CEP250: variants seen among roughly 807,000 people sequenced by gnomAD.
The protein encoded by CEP250 is centrosome-associated protein CEP250.
In CEP250, 242 loss-of-function variants were observed where a neutral mutation model predicts 315.7. The observed-to-expected ratio is 0.77, with a 90% CI of 0.69 to 0.85. CEP250 has a LOEUF of 0.85. Among genes scored for constraint, CEP250 ranks in the 40% least tolerant of loss-of-function variants. The probability of loss-of-function intolerance (pLI) is 0.00; values close to 1 mark genes in which losing one functional copy is unlikely to be tolerated. For synonymous variants in CEP250, 1,088 were observed against 1,175.0 expected (o/e 0.93, Z 1.51); for missense variants, 2,515 against 2,886.4 (o/e 0.87, Z 2.95).
rs1391330529 is a variant in CEP250, at chr20:35,462,425, C to G, written c.58C>G (p.Leu20Val). ...GAAGCCCCAGTCACTGCAGCTGGTA[C>G]TGGAAGAGCAGGTGCTGGCACTACA... ...NMKPQSLQLVLEEQVLALQQQ... is the reference protein window; with the variant it reads ...NMKPQSLQLVVEEQVLALQQQ... Residue 20 changes from leucine (L) to valine (V), a missense_variant, in exon 4 of 35, where the codon CTG becomes GTG. By Grantham distance (32) the Leu-to-Val change is conservative. Transcript: ENST00000397527. 1 of 1,602,390 alleles carries G rather than the reference C, an allele frequency of 6.2e-7. No individual in the cohort carries two copies. Among genetic ancestry groups the G allele is most frequent in the Admixed American group, 1.7e-5 (1 of 58,248 alleles).
intron 8 of CEP250, 107 bp downstream of exon 8, chr20:35,467,179 G>GGGGGGGGGGGGGGGGGGGGGGGGCCCCC: frequency 1.9e-6 from 1 of 534,860 alleles, no homozygotes; most frequent in East Asian, 4.6e-5. Flanking sequence ...GGTGGGTGGG[G>GGGGGGGGGGGGGGGGGGGGGGGGCCCCC]GAGTTGGTAG....
intron 22 of CEP250, among the ~76,000 whole-genome samples, chr20:35,492,722 TG>T (rs2063730830): frequency 6.6e-6 from 1 of 151,990 alleles, no homozygotes; most frequent in African/African-American, 2.4e-5. Flanking sequence ...AACTGTTGGG[TG>T]GTATGTATGT....
intron 20 of CEP250, among the ~76,000 whole-genome samples, chr20:35,481,854 C>T (rs1020114028): frequency 7.2e-5 from 11 of 152,106 alleles, no homozygotes; most frequent in Non-Finnish European, 1.2e-4. Flanking sequence ...AGGCATATGC[C>T]ATCACACCCA....
At chr20:35,468,724 G>A (rs137969673) in intron 9 of CEP250, among the ~76,000 whole-genome samples, 2 of 152,306 alleles carry the variant, frequency 1.3e-5, no homozygotes, top group East Asian at 3.9e-4. Context: ...TGCCCAGGCT[G>A]GAGTGCAGTA....
At chr20:35,480,251 G>A in intron 20 of CEP250, 106 bp downstream of exon 20, 2 of 1,225,198 alleles carry the variant, frequency 1.6e-6, no homozygotes, top group Non-Finnish European at 2.2e-6. Flanking sequence ...TTGTAACCAA[G>A]CTGTAAAATC....
At chr20:35,471,485 A>G (rs1175983204) in intron 10 of CEP250, among the ~76,000 whole-genome samples, 1 of 152,238 alleles carries the variant, frequency 6.6e-6, no homozygotes, top group Non-Finnish European at 1.5e-5. Flanking sequence ...GCCAAATAAA[A>G]CATAGTTGCA....
In CEP250 at chr20:35,504,640, G is replaced by A. The variant is rs754888681; in HGVS notation, c.6271G>A (p.Gly2091Ser). 11 of 1,613,984 alleles carry A rather than the reference G, an allele frequency of 6.8e-6. No individual in the cohort carries two copies. In the African/African-American group the frequency reaches 1.3e-4, roughly 20 times the overall value. The change falls in exon 30 of 35, where the codon GGC (glycine) becomes AGC (serine). Residue 2091 changes from glycine to serine, a missense_variant. Gly to Ser is a moderately conservative substitution (Grantham distance 56, BLOSUM62 0). Coordinates refer to ENST00000397527, the MANE Select transcript of CEP250 (RefSeq NM_007186.6). ...GQEREEEEIR[G>S]LHQSVRELQL... The stretch of plus-strand genomic sequence containing the variant: ...AGAGAGAGAAGAGGAGGAGATAAGG[G>A]GCCTTCATCAGAGTGTAAGGGAGCT...
chr20:35,507,583 A>G (rs1425198598), intron 30 of CEP250, among the ~76,000 whole-genome samples, 155 bp from the exon 31 acceptor site: 1 of 151,970 alleles, frequency 6.6e-6, no homozygotes, highest in Non-Finnish European at 1.5e-5. Flanking sequence ...ACCTATCTGT[A>G]AAATGAAGGT....
chr20:35,499,953 C>T, intron 27 of CEP250, 96 bp from the exon 28 acceptor site: 5 of 1,511,156 alleles, frequency 3.3e-6, no homozygotes. Flanking sequence ...CAATGGCGGC[C>T]CACCACAGAA....
intron 27 of CEP250, among the ~76,000 whole-genome samples, chr20:35,499,093 G>C (rs1461966136): frequency 2.6e-5 from 4 of 152,066 alleles, no homozygotes; most frequent in Non-Finnish European, 5.9e-5. Flanking sequence ...TGGCCAACAT[G>C]GTGAAACCCC....
chr20:35,478,458 G>T (rs541835185), intron 17 of CEP250, among the ~76,000 whole-genome samples: 1 of 152,206 alleles, frequency 6.6e-6, no homozygotes, highest in South Asian at 2.1e-4. Context: ...CCAACTACTC[G>T]GGAGGCTGAG....
rs199578161 is a variant in CEP250, at chr20:35,498,687, C to G, written c.3748C>G (p.Gln1250Glu). 5.2e-5 allele frequency: 83 copies of G among 1,602,150 alleles called. No homozygotes were observed. Among genetic ancestry groups the G allele is most frequent in the Non-Finnish European group, 6.8e-5 (80 of 1,176,506 alleles). ...AVASALHKLHQDLWKTQQTRD... is the reference protein window; with the variant it reads ...AVASALHKLHEDLWKTQQTRD... Reference sequence around the variant, plus strand: ...AGCATCTGCCCTCCACAAGCTTCATCAAGACCTGTGGAAGACTCAACAGAC... The same window carrying G: ...AGCATCTGCCCTCCACAAGCTTCATGAAGACCTGTGGAAGACTCAACAGAC... Residue 1250 changes from glutamine (Q) to glutamate (E), a missense_variant, in exon 27 of 35, where the codon CAA becomes GAA. Coordinates refer to ENST00000397527, the MANE Select transcript of CEP250 (RefSeq NM_007186.6).
At chr20:35,456,045 G>T (rs1373036188) in intron 1 of CEP250, among the ~76,000 whole-genome samples, 1 of 152,014 alleles carries the variant, frequency 6.6e-6, no homozygotes, top group African/African-American at 2.4e-5. Context: ...GCAGGCATGC[G>T]CCACCACACC....
At chr20:35,458,708 T>C (rs1038950416) in intron 2 of CEP250, among the ~76,000 whole-genome samples, 2 of 152,216 alleles carry the variant, frequency 1.3e-5, no homozygotes, top group Non-Finnish European at 2.9e-5. Flanking sequence ...AACTGTGTCT[T>C]GAGGAAGCTC....
rs558317821 is a variant in CEP250, at chr20:35,513,478, G to A, written c.*1852G>A. ...TCTCCATGTTGATCAGGCTGGTCTC[G>A]AACTCCCGACCTCAGGTGATCCACC... is the stretch of plus-strand genomic sequence containing the variant. On this transcript the variant is annotated 3_prime_UTR_variant, in exon 35 of 35. Coordinates refer to ENST00000397527, the MANE Select transcript of CEP250 (RefSeq NM_007186.6). The A allele has an allele frequency of 2.7e-3, 417 of 152,106 alleles. 1 individual carries two copies. The highest frequency in any genetic ancestry group is 4.7e-3 in the Non-Finnish European group (322 of 68,020). The allele number at this position is 152,106 out of a possible 1,614,324, so 9.4% of individuals were successfully genotyped here. A position where few individuals can be genotyped will look rare whatever the true frequency, so the allele number is the denominator to read the frequency against.
Position 35,518,998 on chromosome 20 carries a change from A to C in CEP250, c.*7372A>C, listed in dbSNP as rs183908099. 6.6e-6 allele frequency: 1 copy of C among 151,184 alleles called. No homozygotes were observed. The highest frequency in any genetic ancestry group is 1.5e-5 in the Non-Finnish European group (1 of 67,866). The allele number at this position is 151,184 out of a possible 1,614,324, so 9.4% of individuals were successfully genotyped here. On this transcript the variant is annotated 3_prime_UTR_variant, in exon 35 of 35. Transcript: ENST00000397527. ...CAGTGAGCTGAGATCGCGTCACTGC[A>C]CTCCAGCCTGGGTGGCAGAGCAAGA...
At position 35,497,969 on chromosome 20, in the gene CEP250, A is replaced by G. The variant is rs997412278; in HGVS notation, c.3557A>G (p.Tyr1186Cys). The stretch of plus-strand genomic sequence containing the variant: ...GCCCAGGCCCAGCTGGCCAGCCTCT[A>G]CTCTGCCCTGCAGCAGGCCCTGGGG... The part of the protein sequence containing the change: ...AQAQAQLASL[Y>C]SALQQALGSV... The change falls in exon 26 of 35, where the codon TAC (tyrosine) becomes TGC (cysteine). Residue 1186 changes from tyrosine (Y) to cysteine (C), a missense_variant. Physicochemically the swap from Tyr to Cys is radical, Grantham distance 194 (BLOSUM62 -2). Transcript: ENST00000397527. 11 of 1,613,482 alleles carry G rather than the reference A, an allele frequency of 6.8e-6. No homozygotes were observed. The highest frequency in any genetic ancestry group is 8.5e-6 in the Non-Finnish European group (10 of 1,179,830).
intron 7 of CEP250, among the ~76,000 whole-genome samples, chr20:35,466,723 G>A (rs577839041): frequency 3.9e-5 from 6 of 152,262 alleles, no homozygotes; most frequent in East Asian, 3.9e-4. Flanking sequence ...AGCAGCTACC[G>A]TGTATCCTTT....
At chr20:35,494,224 T>G (rs1247268480) in intron 23 of CEP250, among the ~76,000 whole-genome samples, 1 of 101,666 alleles carries the variant, frequency 9.8e-6, no homozygotes, top group Non-Finnish European at 2.1e-5. Context: ...TCTGCTCGCC[T>G]TGGCCTCCCA....
Sources: allele counts gnomAD v4.1 joint callset (sites outside exome capture counted in the v4.1 genomes callset), GRCh38; gene constraint gnomAD v4.1.1; transcripts MANE v1.5; gene names NCBI Gene and HGNC (gene_info 2026-07-23, HGNC 2026-07-21).